Variants in MACROD2 observed in about 807,000 individuals in gnomAD.
The protein encoded by MACROD2 is mono-ADP ribosylhydrolase 2, also known as ADP-ribose glycohydrolase MACROD2.
MACROD2 carries 36 observed loss-of-function variants against 70.4 expected under a neutral mutation model. The ratio of observed to expected loss-of-function variants is 0.51; its 90% confidence interval spans 0.39 to 0.68. The LOEUF (loss-of-function observed/expected upper bound fraction) is 0.68, where lower values mean the gene tolerates loss of function less well. Ranked by LOEUF, MACROD2 falls within the 30% of genes least tolerant of loss-of-function variation. The probability of loss-of-function intolerance (pLI) is 0.00; values close to 1 mark genes in which losing one functional copy is unlikely to be tolerated. For synonymous variants in MACROD2, 172 were observed against 178.8 expected (o/e 0.96, Z 0.30); for missense variants, 496 against 538.4 (o/e 0.92, Z 0.78).
At chr20:16,019,682 T>C (rs2066976214) in intron 15 of MACROD2, among the ~76,000 whole-genome samples, 1 of 152,222 alleles carries the variant, frequency 6.6e-6, no homozygotes, top group African/African-American at 2.4e-5. Flanking sequence ...CAGCATCACC[T>C]GGTAATTTGT....
chr20:14,672,765 C>A (rs993668038), intron 4 of MACROD2, among the ~76,000 whole-genome samples: 25 of 152,130 alleles, frequency 1.6e-4, no homozygotes, highest in African/African-American at 6.0e-4. Flanking sequence ...GATCTGTGGA[C>A]TCCAAATGTT....
intron 5 of MACROD2, among the ~76,000 whole-genome samples, chr20:15,201,131 G>A (rs777983888): frequency 1.4e-4 from 21 of 152,044 alleles, no homozygotes; most frequent in Admixed American, 9.2e-4. Context: ...CCTGCATCTC[G>A]GACATAAAGC....
At chr20:15,853,254 C>G (rs578003003) in intron 8 of MACROD2, among the ~76,000 whole-genome samples, 4 of 152,106 alleles carry the variant, frequency 2.6e-5, no homozygotes, top group Non-Finnish European at 5.9e-5. Context: ...AGCATTTACT[C>G]TATGTCAGGC....
At chr20:15,387,737 GA>G (rs1213983674) in intron 6 of MACROD2, among the ~76,000 whole-genome samples, 1 of 100,586 alleles carries the variant, frequency 9.9e-6, no homozygotes, top group Non-Finnish European at 1.9e-5. Flanking sequence ...AAAACTCAGG[GA>G]TTTTTTTTTT....
chr20:15,293,173 C>T (rs2077556481), intron 6 of MACROD2, among the ~76,000 whole-genome samples: 1 of 152,228 alleles, frequency 6.6e-6, no homozygotes, highest in South Asian at 2.1e-4. Context: ...TAATCCCTGC[C>T]ACATGGCATC....
chr20:16,048,965 G>A (rs2067421045), intron 17 of MACROD2, among the ~76,000 whole-genome samples: 1 of 152,176 alleles, frequency 6.6e-6, no homozygotes, highest in African/African-American at 2.4e-5. Flanking sequence ...GGGAATTCTA[G>A]TTAGCAATGA....
At position 15,642,133 on chromosome 20, in the gene MACROD2, G is replaced by A. The variant is rs564176220; in HGVS notation, c.645+142286G>A. Among the ~76,000 whole-genome samples the A allele has an allele frequency of 4.6e-5, 7 of 152,248 alleles. No homozygotes were observed. The South Asian group carries it at 1.5e-3, about 32-fold the overall frequency. ...ACATAAAGAAAGGCAAGCTCCCCAA[G>A]CTTACAAAAGATTCCATCTCTGGTG... is the stretch of plus-strand genomic sequence containing the variant. On this transcript the variant is annotated intron_variant, in intron 8 of 17. Coordinates refer to ENST00000684519, the MANE Select transcript of MACROD2 (RefSeq NM_001351661.2).
At chr20:14,825,930 C>T (rs550293962) in intron 5 of MACROD2, among the ~76,000 whole-genome samples, 7 of 152,232 alleles carry the variant, frequency 4.6e-5, no homozygotes, top group Non-Finnish European at 8.8e-5. Context: ...ATTGGACCTT[C>T]ACCTTGTTTT....
At chr20:14,913,053 T>G (rs1238469514) in intron 5 of MACROD2, among the ~76,000 whole-genome samples, 1 of 152,104 alleles carries the variant, frequency 6.6e-6, no homozygotes, top group Non-Finnish European at 1.5e-5. Flanking sequence ...ATGAGGGTTG[T>G]GATAGCTGTG....
At chr20:15,813,604 C>T (rs2063842532) in intron 8 of MACROD2, among the ~76,000 whole-genome samples, 1 of 152,120 alleles carries the variant, frequency 6.6e-6, no homozygotes, top group Non-Finnish European at 1.5e-5. Flanking sequence ...ATAGTGAGAT[C>T]TTGTCTCTAT....
intron 3 of MACROD2, among the ~76,000 whole-genome samples, chr20:14,144,887 T>C (rs1276501538): frequency 1.3e-5 from 2 of 152,216 alleles, no homozygotes; most frequent in East Asian, 3.9e-4. Context: ...TATGCCTTGC[T>C]TCTGTAGATT....
At chr20:15,418,214 T>C (rs1739221948) in intron 6 of MACROD2, among the ~76,000 whole-genome samples, 1 of 152,214 alleles carries the variant, frequency 6.6e-6, no homozygotes, top group Non-Finnish European at 1.5e-5. Context: ...AGCTGTAGAA[T>C]TTACAAGGTG....
rs1465468686 is a variant in MACROD2, at chr20:14,284,466, A to G, written c.271+198738A>G. Among the ~76,000 whole-genome samples, 3 of 152,296 alleles carry G rather than the reference A, an allele frequency of 2.0e-5. No homozygotes were observed. In the East Asian group the frequency reaches 5.8e-4, roughly 29 times the overall value. On this transcript the variant is annotated intron_variant, in intron 3 of 17. Coordinates refer to ENST00000684519, the MANE Select transcript of MACROD2 (RefSeq NM_001351661.2). ...ATGGTGTCCCTCTGAAACCCTCTGG[A>G]TATTTTAGCCACATCTGAAAACTCA...
intron 3 of MACROD2, among the ~76,000 whole-genome samples, chr20:14,136,072 T>TA (rs2054792616): frequency 6.6e-6 from 1 of 152,362 alleles, no homozygotes; most frequent in East Asian, 1.9e-4. Flanking sequence ...CGTGATCTTC[T>TA]ATTAGAAAAT....
intron 8 of MACROD2, among the ~76,000 whole-genome samples, chr20:15,579,136 C>G (rs1470034485): frequency 6.6e-6 from 1 of 152,098 alleles, no homozygotes; most frequent in Non-Finnish European, 1.5e-5. Flanking sequence ...CTCTGGTTTT[C>G]TCTCGGGAGA....
intron 5 of MACROD2, among the ~76,000 whole-genome samples, chr20:15,128,171 C>T (rs763876384): frequency 3.3e-5 from 5 of 152,004 alleles, no homozygotes; most frequent in African/African-American, 4.8e-5. Flanking sequence ...TGTTTTAGCT[C>T]TAAGAATACC....
At chr20:14,979,034 C>T (rs946984567) in intron 5 of MACROD2, among the ~76,000 whole-genome samples, 2 of 150,232 alleles carry the variant, frequency 1.3e-5, no homozygotes, top group Non-Finnish European at 3.0e-5. Flanking sequence ...TCACTGCAAC[C>T]TCGGACTCCT....
At chr20:15,314,229 G>A (rs141741152) in intron 6 of MACROD2, among the ~76,000 whole-genome samples, 341 of 152,058 alleles carry the variant, frequency 2.2e-3, no homozygotes, top group African/African-American at 7.8e-3. Flanking sequence ...TCAGCACGCT[G>A]GAAAACAGTC....
intron 13 of MACROD2, among the ~76,000 whole-genome samples, chr20:15,978,872 C>T (rs147573537): frequency 1.3e-5 from 2 of 152,248 alleles, no homozygotes; most frequent in Admixed American, 1.3e-4. Flanking sequence ...ATAAAGATGG[C>T]ATTTCATTAA....
Sources: gnomAD v4.1 joint callset for allele counts (sites outside exome capture counted in the v4.1 genomes callset) on GRCh38, gnomAD v4.1.1 for gene constraint, MANE v1.5 for transcripts, NCBI Gene and HGNC (gene_info 2026-07-23, HGNC 2026-07-21) for gene names.